The following SLC28A3 variants were observed in gnomAD, a reference collection of about 807,000 sequenced individuals.
The protein encoded by SLC28A3 is solute carrier family 28 member 3, also known as concentrative Na(+)-nucleoside cotransporter 3.
In SLC28A3, 68 loss-of-function variants were observed where a neutral mutation model predicts 84.2. That is an observed-to-expected ratio of 0.81 (90% confidence interval 0.66 to 0.99). The LOEUF is 0.99. SLC28A3 is among the 50% of genes least tolerant of loss of function. The pLI, the probability that SLC28A3 is intolerant of heterozygous loss-of-function variation, is 0.00. For missense variants in SLC28A3, 712 were observed against 841.5 expected, an observed-to-expected ratio of 0.85 and a Z score of 1.90; for synonymous variants, 267 against 303.6, an observed-to-expected ratio of 0.88 and a Z score of 1.25.
chr9:84,355,669 G>T, the SLC28A3 span, among the ~76,000 whole-genome samples: 1 of 152,016 alleles, frequency 6.6e-6, no homozygotes, highest in Non-Finnish European at 1.5e-5. Flanking sequence ...AGCAGTTTAT[G>T]CAGACTCTCA....
At chr9:84,302,417 AACATC>A in intron 4 of SLC28A3, 28 bp from the exon 5 acceptor site, 1 of 1,604,478 alleles carries the variant, frequency 6.2e-7, no homozygotes, top group Non-Finnish European at 8.5e-7. Flanking sequence ...ACAGACACTG[AACATC>A]ACTAACCACT....
At chr9:84,353,580 C>T in the SLC28A3 span, among the ~76,000 whole-genome samples, 3 of 152,188 alleles carry the variant, frequency 2.0e-5, no homozygotes, top group Admixed American at 1.3e-4. Context: ...CGTGTTGATG[C>T]GCGCCTGTAA....
At chr9:84,326,249 TCAA>T (rs1319012276) in intron 1 of SLC28A3, among the ~76,000 whole-genome samples, 1 of 152,060 alleles carries the variant, frequency 6.6e-6, no homozygotes, top group Non-Finnish European at 1.5e-5. Context: ...CCATTCAACA[TCAA>T]CAATGTCTGA....
At chr9:84,287,148 G>A (rs1034042548) in intron 12 of SLC28A3, among the ~76,000 whole-genome samples, 1 of 142,844 alleles carries the variant, frequency 7.0e-6, no homozygotes, top group Non-Finnish European at 1.5e-5. Context: ...GACAGAGTGA[G>A]ACCCTGTCAA....
chr9:84,292,494 T>A, intron 10 of SLC28A3, 174 bp downstream of exon 10: 1 of 527,910 alleles, frequency 1.9e-6, no homozygotes, highest in Non-Finnish European at 3.3e-6. Context: ...TCTCTCTCTC[T>A]CTGTCTCTCT....
the SLC28A3 span, among the ~76,000 whole-genome samples, chr9:84,368,284 A>T: frequency 2.6e-5 from 4 of 152,130 alleles, no homozygotes; most frequent in African/African-American, 9.7e-5. Flanking sequence ...AATACAGCAC[A>T]TGTTTCTATG....
chr9:84,278,041 G>A lies in SLC28A3; in HGVS notation c.*177C>T. The A allele has an allele frequency of 1.3e-6, 1 of 774,106 alleles. No homozygotes were observed. The allele number at this position is 774,106 out of a possible 1,614,324, so 48.0% of individuals were successfully genotyped here. ...GGAAGGGGCTGGTGGGGAGGGAGGG[G>A]AGGAGGAAAATGTTGTAGCTTTGAA... On this transcript the variant is annotated 3_prime_UTR_variant, in exon 18 of 18. Transcript: ENST00000376238.
intron 14 of SLC28A3, among the ~76,000 whole-genome samples, chr9:84,281,811 A>G (rs1171645849): frequency 6.6e-6 from 1 of 152,244 alleles, no homozygotes; most frequent in Non-Finnish European, 1.5e-5. Context: ...AAAAACATGA[A>G]TGCTAAGTGA....
Position 84,276,784 on chromosome 9 carries a change from C to T in SLC28A3, c.*1434G>A, listed in dbSNP as rs1338276031. 1.3e-5 allele frequency: 2 copies of T among 152,206 alleles called. No homozygotes were observed. The highest frequency in any genetic ancestry group is 1.5e-5 in the Non-Finnish European group (1 of 68,030). The allele number at this position is 152,206 out of a possible 1,614,324, so 9.4% of individuals were successfully genotyped here. A position where few individuals can be genotyped will look rare whatever the true frequency, so the allele number is the denominator to read the frequency against. ...ACACAAAAAACCCCAACTATTTTCA[C>T]ATAGCTTTTTCTTTTAAATTACTCT... is the stretch of plus-strand genomic sequence containing the variant. On this transcript the variant is annotated 3_prime_UTR_variant, in exon 18 of 18. Transcript: ENST00000376238.
chr9:84,287,034 T>C (rs1024024090), intron 12 of SLC28A3, among the ~76,000 whole-genome samples: 2 of 152,078 alleles, frequency 1.3e-5, no homozygotes, highest in South Asian at 4.1e-4. Context: ...TGAAATACTG[T>C]CGCTACAAAA....
the SLC28A3 span, among the ~76,000 whole-genome samples, chr9:84,358,926 C>T: frequency 6.6e-6 from 1 of 152,174 alleles, no homozygotes; most frequent in African/African-American, 2.4e-5. Context: ...CCTCAGCCTC[C>T]CAAGTAGCTG....
Position 84,302,341 on chromosome 9 carries a change from G to T in SLC28A3, c.383C>A (p.Ala128Asp). The change falls in exon 5 of 18, where the codon GCC (alanine) becomes GAC (aspartate). Residue 128 changes from alanine (A) to aspartate (D), a missense_variant. Coordinates refer to ENST00000376238, the MANE Select transcript of SLC28A3 (RefSeq NM_001199633.2). ...CACGGTGATCACAAAAAGAGGAAGG[G>T]CTCTGTGAAAGTTCAGCACACAGGC... ...ISACVLNFHRALPLFVITVAA... is the reference protein window; with the variant it reads ...ISACVLNFHRDLPLFVITVAA... The T allele has an allele frequency of 6.2e-7, 1 of 1,614,060 alleles. No homozygotes were observed. Among genetic ancestry groups the T allele is most frequent in the Non-Finnish European group, 8.5e-7 (1 of 1,180,002 alleles).
chr9:84,313,325 G>T, intron 2 of SLC28A3, 34 bp downstream of exon 2: 1 of 1,582,174 alleles, frequency 6.3e-7, no homozygotes, highest in Non-Finnish European at 8.6e-7. Flanking sequence ...CGGCTGCCAT[G>T]GTACTAGAGT....
the SLC28A3 span, among the ~76,000 whole-genome samples, chr9:84,361,652 A>G: frequency 3.3e-5 from 5 of 151,852 alleles, no homozygotes; most frequent in Non-Finnish European, 7.4e-5. Flanking sequence ...TGATAAACCT[A>G]TCTTAGAGGA....
intron 1 of SLC28A3, among the ~76,000 whole-genome samples, chr9:84,313,847 A>T (rs13291929): frequency 6.7e-6 from 1 of 149,106 alleles, no homozygotes; most frequent in Non-Finnish European, 1.5e-5. Flanking sequence ...CCAGCCTGGG[A>T]GACACAGCAA....
At chr9:84,295,359 C>A (rs191963877) in intron 8 of SLC28A3, among the ~76,000 whole-genome samples, 41 of 151,964 alleles carry the variant, frequency 2.7e-4, no homozygotes, top group Non-Finnish European at 5.0e-4. Flanking sequence ...CTGAGGCGGG[C>A]GGATCACCTG....
At chr9:84,337,461 C>T (rs977476694) in intron 1 of SLC28A3, among the ~76,000 whole-genome samples, 6 of 151,790 alleles carry the variant, frequency 4.0e-5, no homozygotes, top group African/African-American at 1.2e-4. Context: ...TGTGTGTATG[C>T]GTATGTGGGT....
In SLC28A3 at chr9:84,277,591, C is replaced by T. The variant is rs899140366; in HGVS notation, c.*627G>A. The T allele has an allele frequency of 3.3e-5, 5 of 151,754 alleles. No individual in the cohort carries two copies. The highest frequency in any genetic ancestry group is 1.2e-4 in the African/African-American group (5 of 41,026). The allele number at this position is 151,754 out of a possible 1,614,324, so 9.4% of individuals were successfully genotyped here. Reference sequence around the variant, plus strand: ...ACTGAGGTTTTTGGGTTGTTTGTTTCTGTAGCGTAATTTATGGTTAAACTG... The same window carrying T: ...ACTGAGGTTTTTGGGTTGTTTGTTTTTGTAGCGTAATTTATGGTTAAACTG... On this transcript the variant is annotated 3_prime_UTR_variant, in exon 18 of 18. Transcript: ENST00000376238.
chr9:84,279,227 A>T, intron 17 of SLC28A3, 38 bp downstream of exon 17: 2 of 1,538,320 alleles, frequency 1.3e-6, no homozygotes, highest in Non-Finnish European at 1.8e-6. Flanking sequence ...ATTGATTATT[A>T]ATGGAGTATA....
Sources: gnomAD v4.1 joint callset for allele counts (sites outside exome capture counted in the v4.1 genomes callset) on GRCh38, gnomAD v4.1.1 for gene constraint, MANE v1.5 for transcripts, NCBI Gene and HGNC (gene_info 2026-07-23, HGNC 2026-07-21) for gene names.